The following ZNF407 variants were observed in gnomAD, a reference collection of about 807,000 sequenced individuals.
ZNF407 encodes the protein zinc finger protein 407.
ZNF407 carries 17 observed loss-of-function variants against 131.2 expected under a neutral mutation model. That is an observed-to-expected ratio of 0.13 (90% CI 0.09 to 0.19). ZNF407 has a LOEUF of 0.19. Ranked by LOEUF, ZNF407 falls within the 10% of genes least tolerant of loss-of-function variation. The pLI is 1.00. For missense variants in ZNF407, 2,681 were observed against 2,830.6 expected (o/e 0.95, Z 1.20); for synonymous variants, 1,156 against 1,062.0 (o/e 1.09, Z -1.72).
At chr18:75,045,521 G>T (rs151278922) in intron 8 of ZNF407, among the ~76,000 whole-genome samples, 104 of 152,306 alleles carry the variant, frequency 6.8e-4, no homozygotes, top group South Asian at 3.1e-3. Flanking sequence ...CATGAAGCAT[G>T]CCAGGCCCAT....
chr18:74,762,265 A>G (rs1163443908), intron 3 of ZNF407, among the ~76,000 whole-genome samples: 1 of 152,172 alleles, frequency 6.6e-6, no homozygotes, highest in East Asian at 1.9e-4. Context: ...CTAAAAATTA[A>G]TAAAGCAAAA....
intron 8 of ZNF407, among the ~76,000 whole-genome samples, chr18:74,992,395 C>T (rs1419050095): frequency 1.3e-5 from 2 of 152,024 alleles, no homozygotes; most frequent in Admixed American, 6.5e-5. Context: ...GGGATGGAGA[C>T]ATAGGAGCAA....
At position 74,634,922 on chromosome 18, in the gene ZNF407, C is replaced by T. The variant is rs559840391; in HGVS notation, c.3903C>T (p.Pro1301=). Residue 1301 remains proline, a synonymous_variant, in exon 2 of 9, where the codon CCC becomes CCT. Coordinates refer to ENST00000299687, the MANE Select transcript of ZNF407 (RefSeq NM_017757.3). The part of the protein sequence containing the change: ...LEDLKGVQED[P]VLGNKEILMN... ...ACTTGAAAGGTGTCCAAGAAGATCC[C>T]GTTCTGGGGAATAAGGAAATTCTGA... 4.4e-5 allele frequency: 71 copies of T among 1,613,798 alleles called. No individual in the cohort carries two copies. Among genetic ancestry groups the T allele is most frequent in the Middle Eastern group, 1.7e-4 (1 of 6,060 alleles).
chr18:74,680,099 C>T (rs1278659041), intron 3 of ZNF407, among the ~76,000 whole-genome samples: 1 of 152,028 alleles, frequency 6.6e-6, no homozygotes. Context: ...TCATGATAAG[C>T]CAGAAAATCA....
chr18:74,825,839 T>C (rs959527806), intron 4 of ZNF407, among the ~76,000 whole-genome samples: 5 of 152,210 alleles, frequency 3.3e-5, no homozygotes, highest in Non-Finnish European at 5.9e-5. Context: ...TATAGGAAAT[T>C]TAAAACAGTC....
rs1279154567 is a variant in ZNF407, at chr18:74,865,651, CT to C, written c.4878-11545del. Among the ~76,000 whole-genome samples the C allele has an allele frequency of 3.3e-5, 5 of 152,276 alleles. 1 individual carries two copies. The South Asian group carries it at 1.0e-3, about 32-fold the overall frequency. On this transcript the variant is annotated intron_variant, in intron 4 of 8. Transcript: ENST00000299687. ...GTATTGAAAAATTAGTATAAATGATCTATATCCAGTATTTATTGATGTCTAT... is the reference window on the plus strand; with the variant it reads ...GTATTGAAAAATTAGTATAAATGATCATATCCAGTATTTATTGATGTCTAT...
At chr18:74,623,692 ATTTC>A (rs542923764) in intron 1 of ZNF407, among the ~76,000 whole-genome samples, 13 of 151,666 alleles carry the variant, frequency 8.6e-5, no homozygotes, top group Non-Finnish European at 1.5e-4. Flanking sequence ...AAGTATTTTA[ATTTC>A]TTTATTGAAA....
chr18:74,838,480 C>T (rs1414297665), intron 4 of ZNF407, among the ~76,000 whole-genome samples: 1 of 152,042 alleles, frequency 6.6e-6, no homozygotes, highest in Non-Finnish European at 1.5e-5. Flanking sequence ...TTTTTCTTTT[C>T]TTCATTTCCC....
intron 8 of ZNF407, chr18:75,062,834 G>T (rs966473777): frequency 2.5e-5 from 6 of 236,842 alleles, no homozygotes; most frequent in Non-Finnish European, 4.8e-5. Flanking sequence ...TGGTTGGGGG[G>T]AGGTATCCAG....
At chr18:74,644,064 AT>A (rs1984851083) in intron 3 of ZNF407, among the ~76,000 whole-genome samples, 1 of 151,854 alleles carries the variant, frequency 6.6e-6, no homozygotes, top group African/African-American at 2.4e-5. Flanking sequence ...TTACCTGCTC[AT>A]GTCATGGTAA....
intron 8 of ZNF407, among the ~76,000 whole-genome samples, chr18:74,940,461 A>G (rs1006083698): frequency 6.6e-6 from 1 of 152,106 alleles, no homozygotes; most frequent in African/African-American, 2.4e-5. Context: ...CCCAGGAACC[A>G]GGGTTCTGTG....
intron 3 of ZNF407, among the ~76,000 whole-genome samples, chr18:74,675,871 C>A (rs918661816): frequency 1.1e-4 from 16 of 152,128 alleles, no homozygotes; most frequent in Admixed American, 7.2e-4. Context: ...CTCTGTAGAC[C>A]TTTCAAACCT....
chr18:74,965,281 A>G (rs1168068878), intron 8 of ZNF407, among the ~76,000 whole-genome samples: 2 of 152,038 alleles, frequency 1.3e-5, no homozygotes, highest in Admixed American at 6.6e-5. Flanking sequence ...CACATTAACT[A>G]TCTCTTTCTC....
chr18:74,680,227 CA>C (rs1419552108), intron 3 of ZNF407, among the ~76,000 whole-genome samples: 1 of 151,352 alleles, frequency 6.6e-6, no homozygotes, highest in African/African-American at 2.4e-5. Flanking sequence ...CTCGTGTCTA[CA>C]AAAAAGAAAA....
chr18:74,880,223 T>C (rs1302458853), intron 5 of ZNF407, among the ~76,000 whole-genome samples: 1 of 152,210 alleles, frequency 6.6e-6, no homozygotes, highest in Non-Finnish European at 1.5e-5. Context: ...AGTGGGAAGA[T>C]AGATTGCATT....
chr18:75,010,317 G>A (rs759054215), intron 8 of ZNF407, among the ~76,000 whole-genome samples: 12 of 152,168 alleles, frequency 7.9e-5, no homozygotes, highest in Non-Finnish European at 1.6e-4. Flanking sequence ...AGTGTGGGAT[G>A]TTTTGGAGGT....
rs544552904 is a variant in ZNF407, at chr18:74,854,985, A to G, written c.4878-22212A>G. On this transcript the variant is annotated intron_variant, in intron 4 of 8. Transcript: ENST00000299687. The stretch of plus-strand genomic sequence containing the variant: ...TGTTAGGCATTTTTATTCTCAATCT[A>G]TATATAGTTTTCAATTTCCAGTCTT... Among the ~76,000 whole-genome samples the G allele has an allele frequency of 3.9e-5, 6 of 152,300 alleles. No homozygotes were observed. In the South Asian group the frequency reaches 1.0e-3, roughly 26 times the overall value.
At chr18:74,811,334 C>CA (rs1352036001) in intron 4 of ZNF407, among the ~76,000 whole-genome samples, 1 of 152,174 alleles carries the variant, frequency 6.6e-6, no homozygotes, top group Non-Finnish European at 1.5e-5. Flanking sequence ...GATACCATCT[C>CA]ACACCAGTTA....
intron 4 of ZNF407, among the ~76,000 whole-genome samples, chr18:74,814,189 A>T (rs1035795078): frequency 6.6e-6 from 1 of 152,168 alleles, no homozygotes. Context: ...AAGCCAGAGT[A>T]TAGTGGTGCA....
Sources: allele counts gnomAD v4.1 joint callset (sites outside exome capture counted in the v4.1 genomes callset), GRCh38; gene constraint gnomAD v4.1.1; transcripts MANE v1.5; gene names NCBI Gene and HGNC (gene_info 2026-07-23, HGNC 2026-07-21).